Variants in ZNF823 observed in about 807,000 individuals in gnomAD.
ZNF823 encodes ZFP 36 for a zinc finger protein.
Under a neutral mutation model 11.4 loss-of-function variants are expected in ZNF823, and 5 were observed. The ratio of observed to expected loss-of-function variants is 0.44; its 90% CI spans 0.23 to 0.92. The LOEUF is 0.92. ZNF823 is among the 40% of genes least tolerant of loss of function. The probability of loss-of-function intolerance (pLI) is 0.24; values close to 1 mark genes in which losing one functional copy is unlikely to be tolerated. For missense variants in ZNF823, 582 were observed against 738.5 expected, an observed-to-expected ratio of 0.79 and a Z score of 2.46; for synonymous variants, 234 against 250.5, an observed-to-expected ratio of 0.93 and a Z score of 0.62.
intron 1 of ZNF823, among the ~76,000 whole-genome samples, chr19:11,731,282 A>T (rs1385440200): frequency 6.6e-6 from 1 of 152,164 alleles, no homozygotes; most frequent in Non-Finnish European, 1.5e-5. Context: ...ATTGCACTCC[A>T]GCCTGGGCAA....
intron 1 of ZNF823, among the ~76,000 whole-genome samples, chr19:11,726,873 G>A (rs1974801434): frequency 6.6e-6 from 1 of 152,154 alleles, no homozygotes; most frequent in South Asian, 2.1e-4. Context: ...CACGTGTTTG[G>A]TTGCAACTTG....
rs758079778 is a variant in ZNF823, at chr19:11,722,619, T to C, written c.915A>G (p.Ala305=). The change falls in exon 4 of 4, where the codon GCA becomes GCG. Residue 305 remains alanine (A), a synonymous_variant. Transcript: ENST00000341191. The surrounding 1 kb of genome is among the most constrained non-coding windows in gnomAD (Gnocchi z 5.2). ...AAAACGTTTTCCCACATTGCTTACA[T>C]GCATAGGGTTGTTCTCCCGTGTGAG... ...ERTHTGEQPY[A]CKQCGKTFYH... The C allele has an allele frequency of 8.1e-6, 13 of 1,614,100 alleles. No homozygotes were observed. The highest frequency in any genetic ancestry group is 2.2e-5 in the East Asian group (1 of 44,884).
rs1226951940 is a variant in ZNF823 at position 11,725,337 on chromosome 19, C to G, written c.4-10G>C. On this transcript the variant is annotated splice_polypyrimidine_tract_variant and intron_variant, in intron 1 of 3. Transcript: ENST00000341191. The stretch of plus-strand genomic sequence containing the variant: ...CAAAGGCCACTGAGTCCTGAAACAT[C>G]CCACATGTGCAGAGGAGGAAGGTTG... The G allele has an allele frequency of 6.2e-7, 1 of 1,613,288 alleles. No homozygotes were observed. Among genetic ancestry groups the G allele is most frequent in the Admixed American group, 1.7e-5 (1 of 59,908 alleles).
At chr19:11,727,903 T>C (rs945246086) in intron 1 of ZNF823, among the ~76,000 whole-genome samples, 5 of 151,812 alleles carry the variant, frequency 3.3e-5, no homozygotes, top group Non-Finnish European at 7.4e-5. Context: ...TTTTTTTTTT[T>C]TGAGACGGGA....
rs1354523137 is a variant in ZNF823, at chr19:11,725,206, C to T, written c.125G>A (p.Cys42Tyr). Residue 42 changes from cysteine to tyrosine, a missense_variant, in exon 2 of 4, where the codon TGT (cysteine) becomes TAT (tyrosine). By Grantham distance (194) the Cys-to-Tyr change is radical. Coordinates refer to ENST00000341191, the MANE Select transcript of ZNF823 (RefSeq NM_001080493.4). ...VMQETIRNLD[C>Y]IEMKWEDQNI... Reference sequence around the variant, plus strand: ...AGAGATGATGTCATCCTTACCTATACAGTCCAGGTTCCTAATGGTTTCCTG... The same window carrying T: ...AGAGATGATGTCATCCTTACCTATATAGTCCAGGTTCCTAATGGTTTCCTG... The T allele has an allele frequency of 6.2e-7, 1 of 1,613,368 alleles. No individual in the cohort carries two copies. Among genetic ancestry groups the T allele is most frequent in the Admixed American group, 1.7e-5 (1 of 59,888 alleles).
Position 11,721,341 on chromosome 19 carries a change from G to C in ZNF823, c.*360C>G, listed in dbSNP as rs542992839. The C allele has an allele frequency of 5.6e-6, 1 of 178,022 alleles. No homozygotes were observed. The highest frequency in any genetic ancestry group is 2.4e-5 in the African/African-American group (1 of 42,066). The allele number at this position is 178,022 out of a possible 1,614,324, so 11.0% of individuals were successfully genotyped here. A position where few individuals can be genotyped will look rare whatever the true frequency, so the allele number is the denominator to read the frequency against. ...GGCCTGCAATGGTTGTGTCTGCATC[G>C]AACATGTAGAGACTATTTTTCTTGT... On this transcript the variant is annotated 3_prime_UTR_variant, in exon 4 of 4. Coordinates refer to ENST00000341191, the MANE Select transcript of ZNF823 (RefSeq NM_001080493.4).
intron 1 of ZNF823, among the ~76,000 whole-genome samples, chr19:11,728,067 C>T (rs945300458): frequency 4.6e-5 from 7 of 151,990 alleles, no homozygotes; most frequent in Non-Finnish European, 8.8e-5. Flanking sequence ...TTAGTAGAGA[C>T]GGGGTTTCAC....
chr19:11,738,759 C>T, intron 1 of ZNF823, 58 bp downstream of exon 1: 1 of 1,571,388 alleles, frequency 6.4e-7, no homozygotes, highest in Non-Finnish European at 8.6e-7. Context: ...ACGGTCGGTT[C>T]CGGCCGGTTC....
chr19:11,733,252 A>G (rs935256289), intron 1 of ZNF823, among the ~76,000 whole-genome samples: 1 of 151,826 alleles, frequency 6.6e-6, no homozygotes, highest in Non-Finnish European at 1.5e-5. Context: ...CTGTAGTCCC[A>G]GCTACTCAGG....
intron 1 of ZNF823, among the ~76,000 whole-genome samples, chr19:11,734,620 C>T (rs1974959705): frequency 6.6e-6 from 1 of 152,186 alleles, no homozygotes; most frequent in African/African-American, 2.4e-5. Context: ...TCACTGCAAC[C>T]TCCACCTCCC....
intron 1 of ZNF823, among the ~76,000 whole-genome samples, chr19:11,733,310 C>T (rs565138953): frequency 3.5e-5 from 5 of 144,800 alleles, no homozygotes; most frequent in African/African-American, 1.3e-4. Context: ...GAGGTTGCAG[C>T]GAGCTGAGAT....
rs1303573533 is a variant in ZNF823, at chr19:11,722,857, G to T, written c.677C>A (p.Ser226Tyr). The T allele has an allele frequency of 6.2e-7, 1 of 1,613,196 alleles. No homozygotes were observed. The highest frequency in any genetic ancestry group is 1.3e-5 in the African/African-American group (1 of 74,648). Reference protein sequence around the residue: ...GEKPYECKQCSKAFPFYSSYL... With the variant: ...GEKPYECKQCYKAFPFYSSYL... The stretch of plus-strand genomic sequence containing the variant: ...GGAACTGTAAAAAGGAAAGGCTTTA[G>T]AACACTGCTTACATTCATACGGTTT... The change falls in exon 4 of 4, where the codon TCT becomes TAT. Residue 226 changes from serine (S) to tyrosine (Y), a missense_variant. By Grantham distance (144) the Ser-to-Tyr change is moderately radical (BLOSUM62 -2). Around this residue, in one of 3 missense-constraint regions of ZNF823, gnomAD observed 429 missense variants for 553.7 expected, o/e 0.77. Coordinates refer to ENST00000341191, the MANE Select transcript of ZNF823 (RefSeq NM_001080493.4). This position sits in a 1 kb window ranked among gnomAD's most constrained non-coding sequence, Gnocchi z 5.2.
At chr19:11,724,700 A>C (rs1451601733) in intron 2 of ZNF823, among the ~76,000 whole-genome samples, 1 of 151,684 alleles carries the variant, frequency 6.6e-6, no homozygotes, top group East Asian at 1.9e-4. Flanking sequence ...CTGGGGCTAC[A>C]GGTGTCCGCC....
Position 11,725,338 on chromosome 19 carries a change from C to A in ZNF823, c.4-11G>T, listed in dbSNP as rs752772448. The A allele has an allele frequency of 6.2e-7, 1 of 1,613,246 alleles. No individual in the cohort carries two copies. Among genetic ancestry groups the A allele is most frequent in the Admixed American group, 1.7e-5 (1 of 59,912 alleles). ...AAAGGCCACTGAGTCCTGAAACATC[C>A]CACATGTGCAGAGGAGGAAGGTTGA... On this transcript the variant is annotated splice_polypyrimidine_tract_variant and intron_variant, in intron 1 of 3. Transcript: ENST00000341191.
chr19:11,726,979 G>A (rs1304119855), intron 1 of ZNF823, among the ~76,000 whole-genome samples: 5 of 152,094 alleles, frequency 3.3e-5, no homozygotes, highest in Admixed American at 6.6e-5. Context: ...GTAGTTAAGC[G>A]TGACAAAAGA....
chr19:11,732,357 G>A (rs888456380), intron 1 of ZNF823, among the ~76,000 whole-genome samples: 14 of 152,046 alleles, frequency 9.2e-5, no homozygotes, highest in African/African-American at 2.4e-4. Context: ...AGTAGAAACG[G>A]GGTTTCACCG....
In ZNF823 at chr19:11,726,285, T is replaced by TAC. The variant is rs1555766608; in HGVS notation, c.4-960_4-959dup. Among the ~76,000 whole-genome samples the TAC allele has an allele frequency of 7.5e-5, 9 of 119,646 alleles. No individual in the cohort carries two copies. In the East Asian group the frequency reaches 2.1e-3, roughly 29 times the overall value. The allele number at this position is 119,646 out of a possible 152,430, so 78.5% of individuals were successfully genotyped here. On this transcript the variant is annotated intron_variant, in intron 1 of 3. Transcript: ENST00000341191. ...AAAGTAAAAAACAAAAAATAAAAAA[T>TAC]ACATATATATATATATATATATAAA...
chr19:11,736,578 G>A (rs1974996503), intron 1 of ZNF823, among the ~76,000 whole-genome samples: 2 of 152,182 alleles, frequency 1.3e-5, no homozygotes, highest in South Asian at 4.1e-4. Flanking sequence ...TATGTAATGA[G>A]TTTGCTGAAA....
chr19:11,726,618 C>T (rs924737093), intron 1 of ZNF823, among the ~76,000 whole-genome samples: 3 of 152,088 alleles, frequency 2.0e-5, no homozygotes, highest in South Asian at 2.1e-4. Context: ...CCTGGCCATG[C>T]GATACCCTGT....
Sources: allele counts gnomAD v4.1 joint callset (sites outside exome capture counted in the v4.1 genomes callset), GRCh38; gene constraint gnomAD v4.1.1; regional missense constraint gnomAD v4.1.1; non-coding constraint Gnocchi (gnomAD v3.1); transcripts MANE v1.5; gene names NCBI Gene and HGNC (gene_info 2026-07-23, HGNC 2026-07-21).